Variants in KIAA1217 observed in about 807,000 individuals in gnomAD.
The protein encoded by KIAA1217 is KIAA1217.
KIAA1217 carries 88 observed loss-of-function variants against 163.9 expected under a neutral mutation model. The observed-to-expected ratio is 0.54, with a 90% CI of 0.45 to 0.64. The LOEUF (loss-of-function observed/expected upper bound fraction) is 0.64. KIAA1217 is among the 30% of genes least tolerant of loss of function. KIAA1217 has a pLI of 0.00. For missense variants in KIAA1217, 2,372 were observed against 2,475.0 expected (o/e 0.96, Z 0.88); for synonymous variants, 903 against 923.1 (o/e 0.98, Z 0.39).
At chr10:24,524,815 G>A in intron 13 of KIAA1217, 51 bp downstream of exon 13, 2 of 1,436,490 alleles carry the variant, frequency 1.4e-6, no homozygotes, top group Non-Finnish European at 1.9e-6. Flanking sequence ...TCTGATACAT[G>A]GACCTTTCCC....
At chr10:23,918,202 G>A (rs1326702982) in intron 1 of KIAA1217, among the ~76,000 whole-genome samples, 2 of 147,758 alleles carry the variant, frequency 1.4e-5, no homozygotes, top group Non-Finnish European at 3.0e-5. Context: ...CATTCCCCAG[G>A]TTGTTCTCAA....
intron 1 of KIAA1217, among the ~76,000 whole-genome samples, chr10:23,890,456 A>T (rs1230362844): frequency 6.6e-6 from 1 of 151,870 alleles, no homozygotes; most frequent in Non-Finnish European, 1.5e-5. Context: ...ATGTAAAATT[A>T]TTTATTTTGA....
intron 1 of KIAA1217, among the ~76,000 whole-genome samples, chr10:23,884,817 T>C (rs1208447889): frequency 6.6e-6 from 1 of 151,960 alleles, no homozygotes; most frequent in Admixed American, 6.6e-5. Context: ...AGCAACTTGC[T>C]TACTAGTTTC....
intron 1 of KIAA1217, among the ~76,000 whole-genome samples, chr10:23,863,300 G>C (rs973726214): frequency 6.6e-6 from 1 of 152,176 alleles, no homozygotes; most frequent in Non-Finnish European, 1.5e-5. Context: ...TCCTCCATTA[G>C]TGGCATCGCT....
At chr10:24,005,430 C>G (rs1846949023) in intron 1 of KIAA1217, among the ~76,000 whole-genome samples, 1 of 152,120 alleles carries the variant, frequency 6.6e-6, no homozygotes, top group African/African-American at 2.4e-5. Context: ...TAATTTGAAG[C>G]AATCAAACAG....
At chr10:24,063,510 G>T (rs149277963) in intron 2 of KIAA1217, among the ~76,000 whole-genome samples, 2,186 of 152,156 alleles carry the variant, frequency 0.014, 54 homozygotes, top group African/African-American at 0.05. Context: ...TCCCTGTTTT[G>T]GTACCAGTAC....
At chr10:24,451,853 A>C (rs1016614106) in intron 5 of KIAA1217, among the ~76,000 whole-genome samples, 1 of 152,064 alleles carries the variant, frequency 6.6e-6, no homozygotes, top group Non-Finnish European at 1.5e-5. Context: ...CATCCCTTGT[A>C]CCTGCATGTT....
intron 5 of KIAA1217, among the ~76,000 whole-genome samples, chr10:24,457,764 A>G (rs1473938779): frequency 2.0e-5 from 3 of 152,016 alleles, no homozygotes; most frequent in Non-Finnish European, 4.4e-5. Flanking sequence ...CTTGCCTTAC[A>G]TCCTGTGTGG....
At position 23,727,019 on chromosome 10, in the gene KIAA1217, G is replaced by C. The variant is rs560574311; in HGVS notation, c.-321+31785G>C. Among the ~76,000 whole-genome samples, 379 of 98,488 alleles carry C rather than the reference G, an allele frequency of 3.8e-3. 5 individuals are homozygous for C. Among genetic ancestry groups the C allele is most frequent in the African/African-American group, 0.015 (321 of 21,250 alleles). The allele number at this position is 98,488 out of a possible 152,430, so 64.6% of individuals were successfully genotyped here. On this transcript the variant is annotated intron_variant, in intron 1 of 18. Coordinates refer to the KIAA1217 transcript ENST00000376462. ...TTTTTTTTTTTTGAGACAGAGTCTT[G>C]CTCTGTCACCCAGGCTGGAGTGCAG... is the stretch of plus-strand genomic sequence containing the variant.
chr10:24,297,614 G>A (rs1000507144), intron 2 of KIAA1217, among the ~76,000 whole-genome samples: 2 of 152,134 alleles, frequency 1.3e-5, no homozygotes, highest in Admixed American at 6.5e-5. Context: ...AAATTAGCTG[G>A]GTGTAGTGGC....
At chr10:24,541,002 C>T (rs2074971139) in intron 17 of KIAA1217, among the ~76,000 whole-genome samples, 1 of 151,988 alleles carries the variant, frequency 6.6e-6, no homozygotes, top group African/African-American at 2.4e-5. Context: ...TTTCTGACCT[C>T]AAGTGATCCA....
intron 1 of KIAA1217, among the ~76,000 whole-genome samples, chr10:23,877,734 C>T (rs1399746199): frequency 1.3e-5 from 2 of 151,872 alleles, no homozygotes; most frequent in East Asian, 1.9e-4. Flanking sequence ...CATTAGCTAC[C>T]AATTGACACT....
chr10:24,290,450 A>T (rs1238005791), intron 2 of KIAA1217, among the ~76,000 whole-genome samples: 1 of 152,146 alleles, frequency 6.6e-6, no homozygotes, highest in African/African-American at 2.4e-5. Context: ...GTTTACTGAA[A>T]ATTGTATCTG....
chr10:24,532,797 T>C, intron 15 of KIAA1217, among the ~76,000 whole-genome samples: 1 of 152,104 alleles, frequency 6.6e-6, no homozygotes, highest in East Asian at 1.9e-4. Flanking sequence ...CAAGATGAGA[T>C]TTGGGTGGGG....
chr10:24,289,689 A>C (rs1166550023), intron 2 of KIAA1217, among the ~76,000 whole-genome samples: 1 of 152,066 alleles, frequency 6.6e-6, no homozygotes, highest in Non-Finnish European at 1.5e-5. Flanking sequence ...GGGAATGTTG[A>C]GAAGGATTGT....
At chr10:23,962,978 G>GA (rs767031387) in intron 1 of KIAA1217, among the ~76,000 whole-genome samples, 5 of 151,976 alleles carry the variant, frequency 3.3e-5, no homozygotes, top group Non-Finnish European at 7.4e-5. Context: ...ATCTCTAAAA[G>GA]AAAAAAGAAA....
chr10:24,500,932 G>C (rs1271084093), intron 8 of KIAA1217, among the ~76,000 whole-genome samples: 1 of 151,980 alleles, frequency 6.6e-6, no homozygotes, highest in African/African-American at 2.4e-5. Context: ...ATAAAAAATA[G>C]TAAACAAACA....
At chr10:24,465,314 A>G in intron 5 of KIAA1217, among the ~76,000 whole-genome samples, 1 of 152,204 alleles carries the variant, frequency 6.6e-6, no homozygotes, top group South Asian at 2.1e-4. Context: ...GAGGGTGGCA[A>G]TGTCACGTGC....
intron 2 of KIAA1217, among the ~76,000 whole-genome samples, chr10:24,147,832 C>CAAAAAAAAAAAAAAAAAAAAA (rs1176106711): frequency 8.2e-4 from 17 of 20,770 alleles, no homozygotes; most frequent in East Asian, 5.3e-3. Context: ...TACTCTGTCT[C>CAAAAAAAAAAAAAAAAAAAAA]AAAAAAAAAA....
Sources: allele counts gnomAD v4.1 joint callset (sites outside exome capture counted in the v4.1 genomes callset), GRCh38; gene constraint gnomAD v4.1.1; transcripts MANE v1.5; gene names NCBI Gene and HGNC (gene_info 2026-07-23, HGNC 2026-07-21).